The following FOXK1 variants were observed in gnomAD, a reference collection of about 807,000 sequenced individuals.
FOXK1 encodes forkhead box protein K1.
A neutral mutation model predicts 51.9 loss-of-function variants in FOXK1; 19 were observed. The ratio of observed to expected loss-of-function variants is 0.37; its 90% CI spans 0.26 to 0.54. FOXK1 has a LOEUF of 0.54. Ranked by LOEUF, FOXK1 falls within the 20% of genes least tolerant of loss-of-function variation. The pLI, the probability that FOXK1 is intolerant of heterozygous loss-of-function variation, is 0.87. For synonymous variants in FOXK1, 537 were observed against 482.6 expected, an observed-to-expected ratio of 1.11 and a Z score of -1.48; for missense variants, 870 against 1,032.7, an observed-to-expected ratio of 0.84 and a Z score of 2.16.
chr7:4,690,839 G>C (rs1024781709), intron 1 of FOXK1, among the ~76,000 whole-genome samples: 1 of 152,188 alleles, frequency 6.6e-6, no homozygotes, highest in African/African-American at 2.4e-5. Context: ...GTGAATGTCA[G>C]AGGATAAACT....
intron 7 of FOXK1, among the ~76,000 whole-genome samples, chr7:4,760,677 C>T (rs545008685): frequency 6.6e-6 from 1 of 152,056 alleles, no homozygotes; most frequent in Non-Finnish European, 1.5e-5. Context: ...ATGGTGAAAC[C>T]CCATCTCTAC....
chr7:4,711,627 G>C lies in FOXK1; in HGVS notation c.560+28759G>C, dbSNP rs555894694. ...ACTCCTCGGCATTGTGTGGATGGGC[G>C]GTAGTGAGAATAATTACTAAGGGCG... On this transcript the variant is annotated intron_variant, in intron 1 of 8. Transcript: ENST00000328914. This position sits in a 1 kb window ranked among gnomAD's most constrained non-coding sequence, Gnocchi z 6.3. Among the ~76,000 whole-genome samples, 1 of 152,148 alleles carries C rather than the reference G, an allele frequency of 6.6e-6. No individual in the cohort carries two copies. Among genetic ancestry groups the C allele is most frequent in the Non-Finnish European group, 1.5e-5 (1 of 68,020 alleles).
In FOXK1 at chr7:4,763,296, C is replaced by A; in HGVS notation, c.*832C>A. ...GAAAGGTGAGCCTGGATCCGCCGGCCGCAGACATCGCGCTGCTGGGGACGA... is the reference window on the plus strand; with the variant it reads ...GAAAGGTGAGCCTGGATCCGCCGGCAGCAGACATCGCGCTGCTGGGGACGA... On this transcript the variant is annotated 3_prime_UTR_variant, in exon 9 of 9. Coordinates refer to ENST00000328914, the MANE Select transcript of FOXK1 (RefSeq NM_001037165.2). 6.6e-6 allele frequency: 1 copy of A among 152,326 alleles called. No individual in the cohort carries two copies. Among genetic ancestry groups the A allele is most frequent in the Non-Finnish European group, 1.5e-5 (1 of 68,038 alleles). The allele number at this position is 152,326 out of a possible 1,614,324, so 9.4% of individuals were successfully genotyped here.
chr7:4,705,552 T>TCTCTCTCTCTCTCTCG (rs1780076728), intron 1 of FOXK1, among the ~76,000 whole-genome samples: 1 of 143,582 alleles, frequency 7.0e-6, no homozygotes, highest in Non-Finnish European at 1.5e-5. Flanking sequence ...TCTCTCTCTC[T>TCTCTCTCTCTCTCTCG]CTCTCTCGCT....
intron 2 of FOXK1, among the ~76,000 whole-genome samples, chr7:4,752,370 T>C (rs1780790723): frequency 6.6e-6 from 1 of 152,176 alleles, no homozygotes; most frequent in African/African-American, 2.4e-5. Flanking sequence ...GTTTCGACCA[T>C]GTGGGCTCAA....
chr7:4,716,474 C>G (rs1254149182), intron 1 of FOXK1, among the ~76,000 whole-genome samples: 2 of 152,130 alleles, frequency 1.3e-5, no homozygotes, highest in African/African-American at 4.8e-5. Flanking sequence ...CCACTGCTCT[C>G]TAGCCTGCGT....
chr7:4,705,975 TATATATAC>T (rs1780088944), intron 1 of FOXK1, among the ~76,000 whole-genome samples: 2 of 77,406 alleles, frequency 2.6e-5, no homozygotes, highest in South Asian at 3.4e-4. Flanking sequence ...TATATATACG[TATATATAC>T]GTATATATAC....
chr7:4,688,652 G>A (rs962613374), intron 1 of FOXK1, among the ~76,000 whole-genome samples: 6 of 152,112 alleles, frequency 3.9e-5, no homozygotes, highest in African/African-American at 1.4e-4. Flanking sequence ...CTCTCAAAGT[G>A]TTGAGATTGC....
At chr7:4,739,566 G>A (rs1401385866) in intron 1 of FOXK1, among the ~76,000 whole-genome samples, 1 of 152,190 alleles carries the variant, frequency 6.6e-6, no homozygotes, top group Non-Finnish European at 1.5e-5. Context: ...CCTGGATACT[G>A]TTCACAGCAC....
chr7:4,762,822 G>A lies in FOXK1; in HGVS notation c.*358G>A. 1 of 223,802 alleles carries A rather than the reference G, an allele frequency of 4.5e-6. No individual in the cohort carries two copies. The highest frequency in any genetic ancestry group is 1.0e-4 in the East Asian group (1 of 9,730). 13.9% of individuals were successfully genotyped at this position (223,802 alleles called of 1,614,324 possible). A position where few individuals can be genotyped will look rare whatever the true frequency, so the allele number is the denominator to read the frequency against. ...CAAGACAGCCCCTCCGCTCCGCGCT[G>A]CACGGCCAGCCGCCTTTGTCCGGGA... On this transcript the variant is annotated 3_prime_UTR_variant, in exon 9 of 9. Coordinates refer to ENST00000328914, the MANE Select transcript of FOXK1 (RefSeq NM_001037165.2). This position sits in a 1 kb window ranked among gnomAD's most constrained non-coding sequence, Gnocchi z 5.7.
intron 1 of FOXK1, among the ~76,000 whole-genome samples, chr7:4,724,812 C>T (rs531176387): frequency 3.9e-5 from 6 of 152,260 alleles, no homozygotes; most frequent in South Asian, 2.1e-4. Context: ...GGATGGTGGG[C>T]GGTGATCCTC....
In FOXK1 at chr7:4,707,689, C is replaced by CTT. The variant is rs112245661; in HGVS notation, c.560+24833_560+24834dup. ...CGTGTGCGACCAGTACTCCATTTCA[C>CTT]TTTTTTTTTTTTTGAGACGGACTCT... On this transcript the variant is annotated intron_variant, in intron 1 of 8. Transcript: ENST00000328914. The surrounding 1 kb of genome is among the most constrained non-coding windows in gnomAD (Gnocchi z 4.1). Among the ~76,000 whole-genome samples, 38 of 144,446 alleles carry CTT rather than the reference C, an allele frequency of 2.6e-4. No homozygotes were observed. Among genetic ancestry groups the CTT allele is most frequent in the African/African-American group, 8.7e-4 (34 of 39,136 alleles). 94.8% of individuals were successfully genotyped at this position (144,446 alleles called of 152,430 possible). A position where few individuals can be genotyped will look rare whatever the true frequency, so the allele number is the denominator to read the frequency against.
chr7:4,744,991 G>C (rs1357523744), intron 2 of FOXK1, among the ~76,000 whole-genome samples: 1 of 152,250 alleles, frequency 6.6e-6, no homozygotes, highest in East Asian at 1.9e-4. Flanking sequence ...AGAGGCCCTT[G>C]AGGTTTTCCC....
chr7:4,704,450 C>CAAAAAA (rs3050383), intron 1 of FOXK1, among the ~76,000 whole-genome samples: 6 of 66,274 alleles, frequency 9.1e-5, no homozygotes, highest in Admixed American at 1.7e-4. Context: ...GACTCTGTCT[C>CAAAAAA]AAAAAAAAAA....
Position 4,685,221 on chromosome 7 carries a change from C to CTTTTTTTTTTTTT in FOXK1, c.560+2361_560+2373dup, listed in dbSNP as rs55891300. 5.8e-5 allele frequency among the ~76,000 whole-genome samples: 6 copies of CTTTTTTTTTTTTT among 102,616 alleles called. 1 individual carries two copies. Among genetic ancestry groups the CTTTTTTTTTTTTT allele is most frequent in the Admixed American group, 1.1e-4 (1 of 8,972 alleles). The allele number at this position is 102,616 out of a possible 152,430, so 67.3% of individuals were successfully genotyped here. ...CACCCTCCTAGAAAAGAGCTATTTG[C>CTTTTTTTTTTTTT]TTTTTTTTTTTTTTTTTTTTCTGTC... On this transcript the variant is annotated intron_variant, in intron 1 of 8. Transcript: ENST00000328914.
Position 4,682,522 on chromosome 7 carries a change from G to C in FOXK1, c.214G>C (p.Gly72Arg). The stretch of plus-strand genomic sequence containing the variant: ...CGCGATCGCGGGCGCGGGCTCCTCC[G>C]GGGGCTCCTCCGGGGTATCCGGGGA... Reference protein sequence around the residue: ...PGAIAGAGSSGGSSGVSGDSA... With the variant: ...PGAIAGAGSSRGSSGVSGDSA... Residue 72 changes from glycine to arginine, a missense_variant, in exon 1 of 9, where the codon GGG (glycine) becomes CGG (arginine). Transcript: ENST00000328914. This position sits in a 1 kb window ranked among gnomAD's most constrained non-coding sequence, Gnocchi z 7.6. The C allele has an allele frequency of 9.1e-7, 1 of 1,097,876 alleles. No individual in the cohort carries two copies. 68.0% of individuals were successfully genotyped at this position (1,097,876 alleles called of 1,614,324 possible).
At chr7:4,697,741 CTGTGTGTGTG>C (rs57978112) in intron 1 of FOXK1, among the ~76,000 whole-genome samples, 1,742 of 135,648 alleles carry the variant, frequency 0.013, 27 homozygotes, top group African/African-American at 0.019. Context: ...GAAAGATAGG[CTGTGTGTGTG>C]TGTGTGTGTG....
At chr7:4,736,358 C>A (rs767922523) in intron 1 of FOXK1, among the ~76,000 whole-genome samples, 7 of 151,334 alleles carry the variant, frequency 4.6e-5, no homozygotes, top group African/African-American at 1.7e-4. Context: ...TATAAAACAT[C>A]GTTTTGTTTT....
chr7:4,751,929 T>A (rs1223852802), intron 2 of FOXK1, among the ~76,000 whole-genome samples: 2 of 152,226 alleles, frequency 1.3e-5, no homozygotes, highest in East Asian at 3.9e-4. Context: ...ATGACAACTT[T>A]TCCTGTGGGT....
Sources: allele counts gnomAD v4.1 joint callset (sites outside exome capture counted in the v4.1 genomes callset), GRCh38; gene constraint gnomAD v4.1.1; non-coding constraint Gnocchi (gnomAD v3.1); transcripts MANE v1.5; gene names NCBI Gene and HGNC (gene_info 2026-07-23, HGNC 2026-07-21).